Variants in FGF14 observed in about 807,000 individuals in gnomAD.
FGF14 encodes the protein fibroblast growth factor 14, also known as fibroblast growth factor homologous factor 4.
In FGF14, 5 loss-of-function variants were observed where a neutral mutation model predicts 25.5. The observed-to-expected ratio is 0.20, with a 90% CI of 0.10 to 0.41. The LOEUF (loss-of-function observed/expected upper bound fraction) is 0.41. Ranked by LOEUF, FGF14 falls within the 10% of genes least tolerant of loss-of-function variation. FGF14 has a pLI of 1.00. For synonymous variants in FGF14, 138 were observed against 118.3 expected (o/e 1.17, Z -1.08); for missense variants, 222 against 320.1 (o/e 0.69, Z 2.34).
intron 1 of FGF14, among the ~76,000 whole-genome samples, chr13:102,085,789 A>G (rs544757433): frequency 6.6e-6 from 1 of 152,318 alleles, no homozygotes; most frequent in Admixed American, 6.5e-5. Flanking sequence ...CAGAGGTGCT[A>G]AAACCAAATT....
intron 1 of FGF14, among the ~76,000 whole-genome samples, chr13:102,186,192 T>C (rs2048867516): frequency 6.6e-6 from 1 of 152,148 alleles, no homozygotes; most frequent in African/African-American, 2.4e-5. Flanking sequence ...AATGGAATAT[T>C]GCCACTTATA....
chr13:101,831,829 A>G (rs978096555), intron 3 of FGF14, among the ~76,000 whole-genome samples: 34 of 152,104 alleles, frequency 2.2e-4, no homozygotes, highest in African/African-American at 8.0e-4. Flanking sequence ...GTGCTAGAGT[A>G]AAATCTAAGG....
chr13:102,027,216 C>G (rs2040972705), intron 1 of FGF14, among the ~76,000 whole-genome samples: 1 of 151,690 alleles, frequency 6.6e-6, no homozygotes, highest in African/African-American at 2.4e-5. Flanking sequence ...AACACACACA[C>G]ACATACACAC....
At chr13:102,162,648 A>G (rs2047826729) in intron 1 of FGF14, among the ~76,000 whole-genome samples, 2 of 152,180 alleles carry the variant, frequency 1.3e-5, no homozygotes, top group South Asian at 2.1e-4. Flanking sequence ...GAATGCTTCA[A>G]TGTAACAAAA....
chr13:102,017,740 C>T (rs2040421972), intron 1 of FGF14, among the ~76,000 whole-genome samples: 1 of 152,106 alleles, frequency 6.6e-6, no homozygotes, highest in Non-Finnish European at 1.5e-5. Context: ...TCCTGGAATT[C>T]CTATCAAATG....
intron 1 of FGF14, among the ~76,000 whole-genome samples, chr13:101,914,365 GAATA>G (rs1456776215): frequency 1.3e-5 from 2 of 151,564 alleles, no homozygotes; most frequent in Non-Finnish European, 2.9e-5. Flanking sequence ...CTCCTCTGAA[GAATA>G]TATATACTTT....
chr13:102,220,347 T>A (rs932690234), intron 1 of FGF14, among the ~76,000 whole-genome samples: 14 of 152,086 alleles, frequency 9.2e-5, no homozygotes, highest in Admixed American at 2.6e-4. Flanking sequence ...AAGAAAAAAT[T>A]TCTAAATAAG....
chr13:101,897,843 T>A (rs1479411011), intron 1 of FGF14, among the ~76,000 whole-genome samples: 1 of 152,190 alleles, frequency 6.6e-6, no homozygotes, highest in Non-Finnish European at 1.5e-5. Context: ...TGATGTTCAA[T>A]GGTTATGCTC....
Position 102,057,703 on chromosome 13 carries a change from A to G in FGF14, c.209-182407T>C, listed in dbSNP as rs183141632. Among the ~76,000 whole-genome samples the G allele has an allele frequency of 3.1e-3, 477 of 152,300 alleles. 6 individuals are homozygous for G. Among genetic ancestry groups the G allele is most frequent in the African/African-American group, 0.011 (453 of 41,562 alleles). On this transcript the variant is annotated intron_variant, in intron 1 of 4. Transcript: ENST00000376131. ...CCATGAACTTATTTTTGTTGACAGT[A>G]ATTTCTTAATGCATAATTCAGTGCT...
chr13:102,085,301 T>G (rs1331074105), intron 1 of FGF14, among the ~76,000 whole-genome samples: 1 of 152,160 alleles, frequency 6.6e-6, no homozygotes, highest in African/African-American at 2.4e-5. Context: ...TCCAGGTATG[T>G]GCCAGGCATT....
chr13:101,784,886 G>T (rs2039713184), intron 3 of FGF14, among the ~76,000 whole-genome samples: 1 of 152,142 alleles, frequency 6.6e-6, no homozygotes, highest in Admixed American at 6.5e-5. Context: ...GTGGCAAGGG[G>T]GAAGTATCAG....
intron 3 of FGF14, among the ~76,000 whole-genome samples, chr13:101,847,136 G>T (rs1566304928): frequency 6.6e-6 from 1 of 151,904 alleles, no homozygotes; most frequent in South Asian, 2.1e-4. Flanking sequence ...GACCTCCCTA[G>T]AAAACAGTAC....
chr13:101,991,057 C>T lies in FGF14; in HGVS notation c.209-115761G>A, dbSNP rs951539633. 3.3e-5 allele frequency among the ~76,000 whole-genome samples: 5 copies of T among 152,204 alleles called. No individual in the cohort carries two copies. The South Asian group carries it at 8.3e-4, about 25-fold the overall frequency. Reference sequence around the variant, plus strand: ...ACAATGGAGCACAATACTTCTTTAACCCTGCAGTTGAAAAACTTGTTTTGT... The same window carrying T: ...ACAATGGAGCACAATACTTCTTTAATCCTGCAGTTGAAAAACTTGTTTTGT... On this transcript the variant is annotated intron_variant, in intron 1 of 4. Transcript: ENST00000376131.
intron 1 of FGF14, chr13:102,300,403 A>G (rs1482537105): frequency 3.9e-5 from 6 of 151,932 alleles, no homozygotes; most frequent in African/African-American, 1.2e-4. Flanking sequence ...ACAAATGTCC[A>G]TATGTACCCC....
intron 1 of FGF14, among the ~76,000 whole-genome samples, chr13:101,894,002 G>C (rs1208538728): frequency 6.8e-6 from 1 of 147,450 alleles, no homozygotes; most frequent in Non-Finnish European, 1.5e-5. Context: ...AAACACAACA[G>C]CTCAACCCAA....
At chr13:102,351,695 C>A (rs990890496) in intron 1 of FGF14, among the ~76,000 whole-genome samples, 2 of 152,206 alleles carry the variant, frequency 1.3e-5, no homozygotes, top group Non-Finnish European at 2.9e-5. Flanking sequence ...TGGTCAGAGA[C>A]CTCCGTTCCT....
intron 1 of FGF14, among the ~76,000 whole-genome samples, chr13:102,391,113 C>G (rs142529030): frequency 2.4e-4 from 36 of 152,220 alleles, no homozygotes; most frequent in African/African-American, 8.4e-4. Context: ...GAATACTAAT[C>G]CTGATCTTGC....
intron 1 of FGF14, among the ~76,000 whole-genome samples, chr13:101,996,115 C>A (rs1171397480): frequency 6.6e-6 from 1 of 151,652 alleles, no homozygotes; most frequent in Non-Finnish European, 1.5e-5. Context: ...CTCATATACC[C>A]CATAAATATA....
chr13:101,771,294 T>A (rs181671396), intron 3 of FGF14, among the ~76,000 whole-genome samples: 1 of 152,046 alleles, frequency 6.6e-6, no homozygotes, highest in Non-Finnish European at 1.5e-5. Flanking sequence ...GGCAAATACA[T>A]TGAGGCTAAT....
Sources: allele counts gnomAD v4.1 joint callset (sites outside exome capture counted in the v4.1 genomes callset), GRCh38; gene constraint gnomAD v4.1.1; transcripts MANE v1.5; gene names NCBI Gene and HGNC (gene_info 2026-07-23, HGNC 2026-07-21).